Variants in OTUD7B observed in about 807,000 individuals in gnomAD.
OTUD7B encodes OTU deubiquitinase 7B.
Under a neutral mutation model 82.2 loss-of-function variants are expected in OTUD7B, and 34 were observed. That is an observed-to-expected ratio of 0.41 (90% confidence interval 0.31 to 0.55). The LOEUF (loss-of-function observed/expected upper bound fraction) is 0.55, where lower values mean the gene tolerates loss of function less well. Among genes scored for constraint, OTUD7B ranks in the 20% least tolerant of loss-of-function variants. OTUD7B has a pLI of 0.20. For synonymous variants in OTUD7B, 398 were observed against 402.7 expected, an observed-to-expected ratio of 0.99 and a Z score of 0.14; for missense variants, 944 against 1,062.1, an observed-to-expected ratio of 0.89 and a Z score of 1.55.
At chr1:149,985,690 GTCAGCCATGATGGCACCACTGCAC>G (rs1553780623) in intron 1 of OTUD7B, among the ~76,000 whole-genome samples, 3 of 151,614 alleles carry the variant, frequency 2.0e-5, no homozygotes, top group Non-Finnish European at 4.4e-5. Flanking sequence ...TGATGCTGCA[GTCAGCCATGATGGCACCACTGCAC>G]TCAGCCTGAG....
chr1:150,045,088 A>C, the OTUD7B span, among the ~76,000 whole-genome samples: 1 of 93,628 alleles, frequency 1.1e-5, no homozygotes, highest in African/African-American at 4.4e-5. Context: ...TTTGTTCTTA[A>C]ACTAAATTTT....
chr1:149,952,532 C>A (rs1553773734), intron 7 of OTUD7B, among the ~76,000 whole-genome samples: 1 of 152,122 alleles, frequency 6.6e-6, no homozygotes, highest in Non-Finnish European at 1.5e-5. Flanking sequence ...GTCTTTATAG[C>A]AGCATGATTT....
At chr1:149,974,196 G>A (rs1419503569) in intron 2 of OTUD7B, among the ~76,000 whole-genome samples, 1 of 152,162 alleles carries the variant, frequency 6.6e-6, no homozygotes. Context: ...CTCCTGAGTA[G>A]CTGGGATTAC....
At chr1:150,037,413 CACG>C in the OTUD7B span, among the ~76,000 whole-genome samples, 1 of 152,046 alleles carries the variant, frequency 6.6e-6, no homozygotes, top group African/African-American at 2.4e-5. Flanking sequence ...AGAAAAGATA[CACG>C]ACATTTTGAA....
intron 1 of OTUD7B, among the ~76,000 whole-genome samples, chr1:150,004,010 G>C (rs1430134125): frequency 2.0e-5 from 3 of 152,042 alleles, no homozygotes; most frequent in Non-Finnish European, 4.4e-5. Context: ...CAATGTCTCA[G>C]ACACCCAGGC....
chr1:149,998,122 T>C (rs782536423), intron 1 of OTUD7B, among the ~76,000 whole-genome samples: 3 of 152,094 alleles, frequency 2.0e-5, no homozygotes, highest in Non-Finnish European at 4.4e-5. Flanking sequence ...TACCTAACCT[T>C]TTTCACGATA....
chr1:150,007,909 T>C (rs1039320775), intron 1 of OTUD7B, among the ~76,000 whole-genome samples: 1 of 152,188 alleles, frequency 6.6e-6, no homozygotes, highest in Non-Finnish European at 1.5e-5. Flanking sequence ...GTTTAAGGAT[T>C]TTCCCTTTGG....
chr1:150,045,806 C>T, the OTUD7B span, among the ~76,000 whole-genome samples: 1 of 152,140 alleles, frequency 6.6e-6, no homozygotes, highest in South Asian at 2.1e-4. Flanking sequence ...AATTTTTATA[C>T]TCCCTGCAAT....
chr1:149,975,910 A>G (rs142482553), intron 2 of OTUD7B, among the ~76,000 whole-genome samples: 1,861 of 151,888 alleles, frequency 0.012, 41 homozygotes, highest in African/African-American at 0.043. Flanking sequence ...AGTCCCAGCT[A>G]CTGGGGAGGC....
chr1:150,048,669 A>G, the OTUD7B span: 11 of 151,040 alleles, frequency 7.3e-5, no homozygotes, highest in Admixed American at 3.9e-4. Context: ...AGAGAGTAAG[A>G]CCTTGACTCT....
intron 1 of OTUD7B, among the ~76,000 whole-genome samples, chr1:150,009,525 C>T (rs1409399687): frequency 6.6e-6 from 1 of 152,228 alleles, no homozygotes; most frequent in Admixed American, 6.5e-5. Context: ...AAGTCAACGT[C>T]CTGCTAATTC....
intron 1 of OTUD7B, among the ~76,000 whole-genome samples, chr1:150,006,858 G>A (rs1652706709): frequency 6.6e-6 from 1 of 152,170 alleles, no homozygotes; most frequent in Admixed American, 6.5e-5. Flanking sequence ...ATCCCTTCAG[G>A]TTAGGATGGT....
Position 149,971,209 on chromosome 1 carries a change from T to C in OTUD7B, c.128A>G (p.Gln43Arg), listed in dbSNP as rs1553777591. 5.6e-6 allele frequency: 9 copies of C among 1,612,886 alleles called. No individual in the cohort carries two copies. The highest frequency in any genetic ancestry group is 7.6e-6 in the Non-Finnish European group (9 of 1,179,038). ...DVNAALSDFE[Q>R]LRQVHAGNLP... Reference sequence around the variant, plus strand: ...GTTTCCAGCATGGACTTGACGTAGCTGTTCAAAATCACTGAGGGCGGCATT... The same window carrying C: ...GTTTCCAGCATGGACTTGACGTAGCCGTTCAAAATCACTGAGGGCGGCATT... The change falls in exon 3 of 12, where the codon CAG (glutamine) becomes CGG (arginine). Residue 43 changes from glutamine to arginine, a missense_variant. Around this residue, in one of 3 missense-constraint regions of OTUD7B, gnomAD observed 530 missense variants for 625.6 expected, o/e 0.85. Transcript: ENST00000581312.
rs1202944127 is a variant in OTUD7B, at chr1:149,980,962, C to T, written c.-66-3386G>A. On this transcript the variant is annotated intron_variant, in intron 1 of 11. Coordinates refer to ENST00000581312, the MANE Select transcript of OTUD7B (RefSeq NM_020205.4). ...TGGGAGGTCAAGGCTATATAGTGTG[C>T]GACAACTGTGCCCCTACTCTTCAGG... Among the ~76,000 whole-genome samples, 4 of 139,536 alleles carry T rather than the reference C, an allele frequency of 2.9e-5. No individual in the cohort carries two copies. In the East Asian group the frequency reaches 8.5e-4, roughly 30 times the overall value. 91.5% of individuals were successfully genotyped at this position (139,536 alleles called of 152,430 possible). A position where few individuals can be genotyped will look rare whatever the true frequency, so the allele number is the denominator to read the frequency against.
At chr1:150,030,276 A>C in the OTUD7B span, among the ~76,000 whole-genome samples, 1 of 151,976 alleles carries the variant, frequency 6.6e-6, no homozygotes, top group African/African-American at 2.4e-5. Flanking sequence ...ATGGGAAGGA[A>C]TTTCCTTACC....
At chr1:149,983,012 A>G (rs1234292738) in intron 1 of OTUD7B, among the ~76,000 whole-genome samples, 4 of 150,678 alleles carry the variant, frequency 2.7e-5, no homozygotes, top group Non-Finnish European at 5.9e-5. Flanking sequence ...CTGCCACCAC[A>G]CCCAGCTAAT....
In OTUD7B at chr1:149,959,594, T is replaced by C. The variant is rs116082806; in HGVS notation, c.845+90A>G. ...GTTCCCCTCTTTCCTTCTAATATCC[T>C]CTTAGCACAGAGCTCTCTAGACACT... On this transcript the variant is annotated intron_variant, in intron 7 of 11. Coordinates refer to ENST00000581312, the MANE Select transcript of OTUD7B (RefSeq NM_020205.4). 1,377 of 796,242 alleles carry C rather than the reference T, an allele frequency of 1.7e-3. 15 individuals carry two copies. In the African/African-American group the frequency reaches 0.022, roughly 13 times the overall value. The allele number at this position is 796,242 out of a possible 1,614,324, so 49.3% of individuals were successfully genotyped here.
the OTUD7B span, among the ~76,000 whole-genome samples, chr1:150,061,053 A>AC: frequency 5.8e-4 from 4 of 6,858 alleles, no homozygotes; most frequent in African/African-American, 1.6e-3. Context: ...AAAACAAAAA[A>AC]AATTTTTTTT....
intron 1 of OTUD7B, among the ~76,000 whole-genome samples, chr1:149,998,454 C>T (rs1344629121): frequency 2.0e-5 from 3 of 152,174 alleles, no homozygotes; most frequent in Admixed American, 6.5e-5. Context: ...CTAGGTAAAA[C>T]ACTGTGCTAC....
Sources: gnomAD v4.1 joint callset for allele counts (sites outside exome capture counted in the v4.1 genomes callset) on GRCh38, gnomAD v4.1.1 for gene constraint, gnomAD v4.1.1 regional missense constraint, MANE v1.5 for transcripts, NCBI Gene and HGNC (gene_info 2026-07-23, HGNC 2026-07-21) for gene names.